The following NEO1 variants were observed in gnomAD, a reference collection of about 807,000 sequenced individuals.
The protein encoded by NEO1 is neogenin.
In NEO1, 63 loss-of-function variants were observed where a neutral mutation model predicts 159.7. The ratio of observed to expected loss-of-function variants is 0.39; its 90% CI spans 0.32 to 0.49. The LOEUF (loss-of-function observed/expected upper bound fraction) is 0.49. NEO1 is among the 20% of genes least tolerant of loss of function. The pLI, the probability that NEO1 is intolerant of heterozygous loss-of-function variation, is 0.85. For synonymous variants in NEO1, 633 were observed against 662.0 expected (o/e 0.96, Z 0.67); for missense variants, 1,615 against 1,831.0 (o/e 0.88, Z 2.15).
At position 73,149,569 on chromosome 15, in the gene NEO1, T is replaced by C. The variant is rs1299092294; in HGVS notation, c.1015+13542T>C. The stretch of plus-strand genomic sequence containing the variant: ...CAACTATGTCTTTGAGACTTATTCT[T>C]GTCCAGGTGATTTCAGTGATTCTTG... On this transcript the variant is annotated intron_variant, in intron 5 of 28. Transcript: ENST00000261908. Among the ~76,000 whole-genome samples the C allele has an allele frequency of 5.9e-5, 9 of 152,186 alleles. No individual in the cohort carries two copies. The East Asian group carries it at 1.4e-3, about 23-fold the overall frequency.
At chr15:73,119,507 TGTGA>T (rs1305904758) in intron 2 of NEO1, among the ~76,000 whole-genome samples, 2 of 152,226 alleles carry the variant, frequency 1.3e-5, no homozygotes, top group African/African-American at 4.8e-5. Flanking sequence ...GTATGCTGGC[TGTGA>T]GTATTTTGTG....
intron 1 of NEO1, among the ~76,000 whole-genome samples, chr15:73,063,055 C>G (rs2068052672): frequency 6.6e-6 from 1 of 152,184 alleles, no homozygotes; most frequent in Admixed American, 6.5e-5. Context: ...GAAGATACCA[C>G]TATTCAAGAT....
chr15:73,136,986 C>T (rs1475651104), intron 5 of NEO1, among the ~76,000 whole-genome samples: 1 of 152,102 alleles, frequency 6.6e-6, no homozygotes, highest in Non-Finnish European at 1.5e-5. Flanking sequence ...GAGGAATGCC[C>T]CACAAATTGG....
chr15:73,214,113 T>G (rs1210786627), intron 7 of NEO1, among the ~76,000 whole-genome samples: 2 of 152,126 alleles, frequency 1.3e-5, no homozygotes, highest in African/African-American at 4.8e-5. Flanking sequence ...TGATGGGATT[T>G]TGTTTTCTTA....
At chr15:73,095,430 G>A (rs999784506) in intron 1 of NEO1, among the ~76,000 whole-genome samples, 9 of 152,148 alleles carry the variant, frequency 5.9e-5, no homozygotes, top group African/African-American at 1.2e-4. Flanking sequence ...CTTCTGTACC[G>A]TTTACTTTTT....
intron 7 of NEO1, among the ~76,000 whole-genome samples, chr15:73,179,861 ATG>A (rs1268634465): frequency 3.5e-5 from 4 of 113,182 alleles, no homozygotes; most frequent in Non-Finnish European, 5.8e-5. Flanking sequence ...ATTAAATAAT[ATG>A]TATATATATA....
chr15:73,279,358 T>C (rs1180415256), intron 22 of NEO1, among the ~76,000 whole-genome samples: 2 of 141,056 alleles, frequency 1.4e-5, no homozygotes, highest in African/African-American at 2.5e-5. Context: ...TTGGTTTTTT[T>C]TTTTTTTTGA....
chr15:73,116,060 G>A (rs2071293968), intron 1 of NEO1, among the ~76,000 whole-genome samples: 3 of 152,242 alleles, frequency 2.0e-5, no homozygotes, highest in East Asian at 3.9e-4. Flanking sequence ...TGCTTTTTAA[G>A]TCAGTCGGAT....
At chr15:73,274,058 G>A in intron 20 of NEO1, 53 bp downstream of exon 20, 1 of 1,508,544 alleles carries the variant, frequency 6.6e-7, no homozygotes, top group Non-Finnish European at 9.1e-7. Context: ...GTGGGGCTAT[G>A]CTGACACTAT....
At chr15:73,153,612 C>A (rs2033551655) in intron 5 of NEO1, among the ~76,000 whole-genome samples, 1 of 152,084 alleles carries the variant, frequency 6.6e-6, no homozygotes, top group African/African-American at 2.4e-5. Flanking sequence ...TATTGTCAGC[C>A]CCTTATTCTG....
chr15:73,295,187 T>A (rs1474314814), intron 26 of NEO1, among the ~76,000 whole-genome samples: 2 of 148,782 alleles, frequency 1.3e-5, no homozygotes, highest in Non-Finnish European at 3.0e-5. Context: ...AATCCCAATT[T>A]GGAGTTCTGC....
chr15:73,122,601 T>G lies in NEO1; in HGVS notation c.525T>G (p.Val175=), dbSNP rs771691329. The change falls in exon 3 of 29, where the codon GTT becomes GTG. Residue 175 remains valine (V), a synonymous_variant. Transcript: ENST00000261908. The part of the protein sequence containing the change: ...AGNNAILNCE[V]NADLVPFVRW... ...ACAATGCAATTCTGAATTGTGAAGT[T>G]AATGCAGATTTGGTCCCATTTGTGA... The G allele has an allele frequency of 6.2e-7, 1 of 1,614,184 alleles. No individual in the cohort carries two copies. The highest frequency in any genetic ancestry group is 8.5e-7 in the Non-Finnish European group (1 of 1,179,996).
chr15:73,244,572 C>T lies in NEO1; in HGVS notation c.1606+74C>T, dbSNP rs906698434. On this transcript the variant is annotated intron_variant, in intron 9 of 28. Coordinates refer to ENST00000261908, the MANE Select transcript of NEO1 (RefSeq NM_002499.4). ...GAAGTTCTACCTTTGTTTAGCCTTG[C>T]ACACCATAGGGGAGCAGAAGATAAC... The T allele has an allele frequency of 2.0e-5, 30 of 1,513,152 alleles. No individual in the cohort carries two copies. In the Middle Eastern group the frequency reaches 5.4e-4, roughly 27 times the overall value. The allele number at this position is 1,513,152 out of a possible 1,614,324, so 93.7% of individuals were successfully genotyped here.
At position 73,288,133 on chromosome 15, in the gene NEO1, T is replaced by A. The variant is rs546195804; in HGVS notation, c.3411-180T>A. Among the ~76,000 whole-genome samples, 116 of 152,282 alleles carry A rather than the reference T, an allele frequency of 7.6e-4. 1 individual carries two copies. The highest frequency in any genetic ancestry group is 2.7e-3 in the African/African-American group (112 of 41,546). On this transcript the variant is annotated intron_variant, in intron 23 of 28. Coordinates refer to ENST00000261908, the MANE Select transcript of NEO1 (RefSeq NM_002499.4). The stretch of plus-strand genomic sequence containing the variant: ...GTGGACAAAATAGAGATACATTTAC[T>A]CTCCCCAGGAGCAAACTTGTTGTTG...
chr15:73,169,526 A>G (rs529873302), intron 5 of NEO1, among the ~76,000 whole-genome samples: 1 of 152,206 alleles, frequency 6.6e-6, no homozygotes, highest in Non-Finnish European at 1.5e-5. Flanking sequence ...GCATTATTTT[A>G]TAATTCATGA....
At chr15:73,273,687 G>C in intron 19 of NEO1, 124 bp from the exon 20 acceptor site, 1 of 718,674 alleles carries the variant, frequency 1.4e-6, no homozygotes. Flanking sequence ...GTAGACCCTT[G>C]AGGGTACATT....
At chr15:73,202,679 G>C (rs1448277086) in intron 7 of NEO1, among the ~76,000 whole-genome samples, 1 of 152,118 alleles carries the variant, frequency 6.6e-6, no homozygotes, top group South Asian at 2.1e-4. Context: ...TAACTATTGT[G>C]TGTATTTCCT....
intron 7 of NEO1, among the ~76,000 whole-genome samples, chr15:73,225,417 A>C (rs2038524721): frequency 6.6e-6 from 1 of 152,124 alleles, no homozygotes; most frequent in South Asian, 2.1e-4. Context: ...GGAAAGGACC[A>C]TCAGGAGGGG....
chr15:73,290,224 ATTTTTTTTTTTTTT>A (rs34114271), intron 25 of NEO1, among the ~76,000 whole-genome samples: 2 of 82,250 alleles, frequency 2.4e-5, no homozygotes, highest in Non-Finnish European at 4.6e-5. Flanking sequence ...ACTGTGTGGA[ATTTTTTTTTTTTTT>A]TTTTTTTTTT....
Sources: allele counts gnomAD v4.1 joint callset (sites outside exome capture counted in the v4.1 genomes callset), GRCh38; gene constraint gnomAD v4.1.1; transcripts MANE v1.5; gene names NCBI Gene and HGNC (gene_info 2026-07-23, HGNC 2026-07-21).